The following PPP2R2B variants were observed in gnomAD, a reference collection of about 807,000 sequenced individuals.
PPP2R2B encodes serine/threonine-protein phosphatase 2A 55 kDa regulatory subunit B beta isoform.
PPP2R2B carries 5 observed loss-of-function variants against 46.0 expected under a neutral mutation model. The ratio of observed to expected loss-of-function variants is 0.11; its 90% CI spans 0.06 to 0.23. The LOEUF is 0.23. Among genes scored for constraint, PPP2R2B ranks in the 10% least tolerant of loss-of-function variants. The pLI is 1.00. For missense variants in PPP2R2B, 367 were observed against 575.0 expected, an observed-to-expected ratio of 0.64 and a Z score of 3.70; for synonymous variants, 215 against 206.7, an observed-to-expected ratio of 1.04 and a Z score of -0.34.
chr5:146,722,208 A>C (rs1462846198), intron 2 of PPP2R2B, among the ~76,000 whole-genome samples: 2 of 152,206 alleles, frequency 1.3e-5, no homozygotes, highest in African/African-American at 4.8e-5. Context: ...GCTATATGTT[A>C]GGTACTATCT....
intron 2 of PPP2R2B, among the ~76,000 whole-genome samples, chr5:146,862,798 A>G (rs1317990929): frequency 2.7e-5 from 4 of 150,168 alleles, no homozygotes; most frequent in African/African-American, 9.8e-5. Flanking sequence ...GCATGTGCCA[A>G]TGTCTACATC....
chr5:146,707,961 T>C (rs1306733689), intron 2 of PPP2R2B, among the ~76,000 whole-genome samples: 1 of 152,232 alleles, frequency 6.6e-6, no homozygotes, highest in East Asian at 1.9e-4. Context: ...CCATAAATAC[T>C]TGAACAATTT....
At chr5:146,787,597 T>C (rs1293861249) in intron 2 of PPP2R2B, among the ~76,000 whole-genome samples, 1 of 152,038 alleles carries the variant, frequency 6.6e-6, no homozygotes, top group Non-Finnish European at 1.5e-5. Flanking sequence ...AGATGGAGTC[T>C]CACTGTGTCA....
intron 2 of PPP2R2B, among the ~76,000 whole-genome samples, chr5:146,802,387 C>A (rs1018672671): frequency 6.6e-6 from 1 of 152,164 alleles, no homozygotes; most frequent in East Asian, 1.9e-4. Flanking sequence ...CACTGCCTGG[C>A]TTTGGAAATT....
chr5:146,797,322 C>T (rs544310895), intron 2 of PPP2R2B, among the ~76,000 whole-genome samples: 7 of 152,272 alleles, frequency 4.6e-5, no homozygotes, highest in Middle Eastern at 3.4e-3. Context: ...TTTCCACAAG[C>T]TACCCTGCTA....
intron 1 of PPP2R2B, among the ~76,000 whole-genome samples, chr5:146,927,059 C>G (rs1763805938): frequency 6.6e-6 from 1 of 152,056 alleles, no homozygotes; most frequent in African/African-American, 2.4e-5. Flanking sequence ...TTGGCAGAAC[C>G]TATAGGCTGG....
At chr5:146,851,468 T>C (rs1427166748) in intron 2 of PPP2R2B, among the ~76,000 whole-genome samples, 1 of 152,098 alleles carries the variant, frequency 6.6e-6, no homozygotes, top group Non-Finnish European at 1.5e-5. Flanking sequence ...TCCATGTGAG[T>C]GAGATCATGC....
chr5:146,988,673 T>C lies in PPP2R2B; in HGVS notation c.79+66992A>G, dbSNP rs113643421. ...CCTACATCAAAATATTAAAAAGATC[T>C]GAAATAAACAACCTAACATTATACC... On this transcript the variant is annotated intron_variant, in intron 1 of 8. Transcript: ENST00000336640. 3.3e-5 allele frequency among the ~76,000 whole-genome samples: 5 copies of C among 151,686 alleles called. 1 individual carries two copies. The highest frequency in any genetic ancestry group is 1.2e-4 in the African/African-American group (5 of 41,464).
At chr5:146,957,945 T>C (rs1233673774) in intron 1 of PPP2R2B, among the ~76,000 whole-genome samples, 1 of 152,102 alleles carries the variant, frequency 6.6e-6, no homozygotes, top group Non-Finnish European at 1.5e-5. Context: ...GTTGGCTGCA[T>C]GTCAAAAAGA....
chr5:146,763,689 C>T (rs964905046), intron 2 of PPP2R2B, among the ~76,000 whole-genome samples: 3 of 152,158 alleles, frequency 2.0e-5, no homozygotes, highest in African/African-American at 7.2e-5. Flanking sequence ...CATGTGCCAC[C>T]TGCTATGTTA....
At chr5:146,614,971 A>C (rs2151040715) in intron 7 of PPP2R2B, among the ~76,000 whole-genome samples, 1 of 125,502 alleles carries the variant, frequency 8.0e-6, no homozygotes, top group South Asian at 2.7e-4. Flanking sequence ...AGAACTAGAA[A>C]TCCCATTTGA....
chr5:146,885,306 C>T (rs1048063697), intron 1 of PPP2R2B, among the ~76,000 whole-genome samples: 1 of 152,168 alleles, frequency 6.6e-6, no homozygotes, highest in Non-Finnish European at 1.5e-5. Flanking sequence ...AGCCCATGCT[C>T]TTAACCACTG....
At chr5:146,983,514 A>G (rs764764050) in intron 1 of PPP2R2B, among the ~76,000 whole-genome samples, 6 of 151,980 alleles carry the variant, frequency 3.9e-5, no homozygotes, top group Non-Finnish European at 5.9e-5. Context: ...TTAAACACTG[A>G]TTTCTCTAGA....
At chr5:146,833,194 A>G (rs1409464901) in intron 2 of PPP2R2B, among the ~76,000 whole-genome samples, 2 of 152,106 alleles carry the variant, frequency 1.3e-5, no homozygotes, top group East Asian at 1.9e-4. Context: ...ATGCCAATAT[A>G]TCAAGCCCAT....
intron 1 of PPP2R2B, among the ~76,000 whole-genome samples, chr5:146,971,252 T>C (rs11745921): frequency 0.52 from 78,819 of 152,064 alleles, 21,070 homozygotes; most frequent in Middle Eastern, 0.6. Context: ...TCTCTTTCCC[T>C]CTCGGCATAT....
At chr5:146,607,053 A>T (rs1176712769) in intron 7 of PPP2R2B, 1 of 152,182 alleles carries the variant, frequency 6.6e-6, no homozygotes, top group Non-Finnish European at 1.5e-5. Flanking sequence ...ATTTTCCTAC[A>T]GAGTGAGGCA....
At chr5:146,799,115 G>A (rs1756711531) in intron 2 of PPP2R2B, among the ~76,000 whole-genome samples, 1 of 152,190 alleles carries the variant, frequency 6.6e-6, no homozygotes, top group Admixed American at 6.6e-5. Context: ...TTACTCCCCA[G>A]TTCTTAGATG....
At position 146,589,071 on chromosome 5, in the gene PPP2R2B, T is replaced by C. The variant is rs1283451409; in HGVS notation, c.*876A>G. 1 of 152,212 alleles carries C rather than the reference T, an allele frequency of 6.6e-6. No individual in the cohort carries two copies. Among genetic ancestry groups the C allele is most frequent in the Non-Finnish European group, 1.5e-5 (1 of 68,060 alleles). The allele number at this position is 152,212 out of a possible 1,614,324, so 9.4% of individuals were successfully genotyped here. A position where few individuals can be genotyped will look rare whatever the true frequency, so the allele number is the denominator to read the frequency against. ...TAATAAGCACCCAGGACTCGGCCTT[T>C]AGAAGTCAATGGAATAAATAAGCTG... On this transcript the variant is annotated 3_prime_UTR_variant, in exon 10 of 10. Coordinates refer to ENST00000394411, the MANE Select transcript of PPP2R2B (RefSeq NM_181675.4).
chr5:147,078,545 T>C (rs1366017215), intron 2 of PPP2R2B, among the ~76,000 whole-genome samples: 1 of 152,090 alleles, frequency 6.6e-6, no homozygotes, highest in Non-Finnish European at 1.5e-5. Context: ...CCCAGCACTT[T>C]GGGAGGCCAA....
Sources: allele counts gnomAD v4.1 joint callset (sites outside exome capture counted in the v4.1 genomes callset), GRCh38; gene constraint gnomAD v4.1.1; transcripts MANE v1.5; gene names NCBI Gene and HGNC (gene_info 2026-07-23, HGNC 2026-07-21).